The following AFF4 variants were observed in gnomAD, a reference collection of about 807,000 sequenced individuals.
AFF4 encodes AF4/FMR2 family member 4.
AFF4 carries 13 observed loss-of-function variants against 124.8 expected under a neutral mutation model. The observed-to-expected ratio is 0.10, with a 90% CI of 0.07 to 0.17. The LOEUF is 0.17. Among genes scored for constraint, AFF4 ranks in the 10% least tolerant of loss-of-function variants. The probability of loss-of-function intolerance (pLI) is 1.00; values close to 1 mark genes in which losing one functional copy is unlikely to be tolerated. For synonymous variants in AFF4, 477 were observed against 496.1 expected (o/e 0.96, Z 0.51); for missense variants, 1,092 against 1,403.8 (o/e 0.78, Z 3.55).
intron 13 of AFF4, chr5:132,891,817 A>G (rs200049388): frequency 4.5e-6 from 1 of 224,710 alleles, no homozygotes; most frequent in Admixed American, 6.4e-5. Context: ...TTTTTTTTTT[A>G]AATTTTAAAG....
At chr5:132,906,001 T>TA (rs896383360) in intron 5 of AFF4, among the ~76,000 whole-genome samples, 1 of 152,056 alleles carries the variant, frequency 6.6e-6, no homozygotes, top group Non-Finnish European at 1.5e-5. Flanking sequence ...GGAAGACATA[T>TA]AAATGGCCAA....
At chr5:132,944,815 A>G (rs1265473986) in intron 1 of AFF4, among the ~76,000 whole-genome samples, 5 of 151,744 alleles carry the variant, frequency 3.3e-5, no homozygotes, top group Non-Finnish European at 7.4e-5. Flanking sequence ...CTGTAATCCC[A>G]GCTACTTGAG....
intron 1 of AFF4, among the ~76,000 whole-genome samples, chr5:132,937,439 C>A (rs1170651541): frequency 6.6e-6 from 1 of 152,182 alleles, no homozygotes; most frequent in Admixed American, 6.5e-5. Flanking sequence ...AAACACTTAA[C>A]CTTATCAATG....
intron 5 of AFF4, among the ~76,000 whole-genome samples, chr5:132,922,731 G>A (rs1761077176): frequency 7.1e-6 from 1 of 139,974 alleles, no homozygotes; most frequent in African/African-American, 2.7e-5. Flanking sequence ...AATGAGCCAA[G>A]ATCACGCCAC....
At chr5:132,905,051 A>AAT (rs1760640817) in intron 5 of AFF4, among the ~76,000 whole-genome samples, 1 of 150,950 alleles carries the variant, frequency 6.6e-6, no homozygotes, top group African/African-American at 2.4e-5. Context: ...TCCATCTCAA[A>AAT]AAAAAAAAAA....
intron 2 of AFF4, 72 bp from the exon 3 acceptor site, chr5:132,935,013 T>C (rs1252537702): frequency 3.1e-6 from 4 of 1,272,958 alleles, no homozygotes; most frequent in Non-Finnish European, 4.2e-6. Flanking sequence ...TCTGAACTAA[T>C]TTTCCAAACT....
At chr5:132,958,147 T>C (rs1762002631) in intron 1 of AFF4, among the ~76,000 whole-genome samples, 1 of 152,134 alleles carries the variant, frequency 6.6e-6, no homozygotes, top group Non-Finnish European at 1.5e-5. Context: ...CATAATGAAA[T>C]ATTACAACAC....
At chr5:132,955,735 G>C (rs1351991947) in intron 1 of AFF4, among the ~76,000 whole-genome samples, 1 of 134,802 alleles carries the variant, frequency 7.4e-6, no homozygotes, top group Non-Finnish European at 1.5e-5. Flanking sequence ...CCAAGATCAT[G>C]CCACTGCACT....
intron 3 of AFF4, 36 bp downstream of exon 3, chr5:132,934,111 A>C: frequency 6.4e-7 from 1 of 1,573,278 alleles, no homozygotes; most frequent in Non-Finnish European, 8.6e-7. Flanking sequence ...TGCTTCACGT[A>C]GTCACAATGT....
At chr5:132,896,169 A>G (rs1314146402) in intron 11 of AFF4, among the ~76,000 whole-genome samples, 154 bp downstream of exon 11, 1 of 152,256 alleles carries the variant, frequency 6.6e-6, no homozygotes, top group African/African-American at 2.4e-5. Flanking sequence ...TCCTCAAGAG[A>G]CTGTTCCACA....
At chr5:132,894,787 T>C (rs778019648) in intron 11 of AFF4, among the ~76,000 whole-genome samples, 10 of 151,798 alleles carry the variant, frequency 6.6e-5, no homozygotes, top group Non-Finnish European at 1.2e-4. Context: ...TATAGCAAGA[T>C]ACCATCTCTA....
intron 1 of AFF4, among the ~76,000 whole-genome samples, chr5:132,954,587 G>GC (rs1367967220): frequency 6.7e-5 from 9 of 134,228 alleles, no homozygotes; most frequent in African/African-American, 1.7e-4. Context: ...TCGCTCTGTC[G>GC]CCCAGGCTGG....
rs1029060350 is a variant in AFF4, at chr5:132,879,152, G to T, written c.*1907C>A. 1 of 219,720 alleles carries T rather than the reference G, an allele frequency of 4.6e-6. No individual in the cohort carries two copies. The highest frequency in any genetic ancestry group is 5.8e-5 in the Admixed American group (1 of 17,304). 13.6% of individuals were successfully genotyped at this position (219,720 alleles called of 1,614,324 possible). A position where few individuals can be genotyped will look rare whatever the true frequency, so the allele number is the denominator to read the frequency against. On this transcript the variant is annotated 3_prime_UTR_variant, in exon 21 of 21. Transcript: ENST00000265343. ...TAATTTGTACATCTCAATCTTCAAT[G>T]ACATCTAAAAACAATCTGAGGTACA...
At chr5:132,898,750 C>T (rs1049353411) in intron 9 of AFF4, among the ~76,000 whole-genome samples, 1 of 152,200 alleles carries the variant, frequency 6.6e-6, no homozygotes, top group Non-Finnish European at 1.5e-5. Context: ...TCCCAAAGTG[C>T]TGGGATTACA....
At chr5:132,891,652 C>G (rs1279847334) in intron 13 of AFF4, among the ~76,000 whole-genome samples, 1 of 152,148 alleles carries the variant, frequency 6.6e-6, no homozygotes, top group Non-Finnish European at 1.5e-5. Flanking sequence ...TGTCACTTTA[C>G]GTAATATAAC....
chr5:132,888,616 A>T (rs1760177173), intron 14 of AFF4, among the ~76,000 whole-genome samples: 1 of 152,204 alleles, frequency 6.6e-6, no homozygotes, highest in African/African-American at 2.4e-5. Flanking sequence ...AAGGAGCCGT[A>T]CTTGGACTAG....
intron 13 of AFF4, among the ~76,000 whole-genome samples, chr5:132,890,920 G>C (rs1368200170): frequency 2.0e-5 from 3 of 151,908 alleles, no homozygotes; most frequent in African/African-American, 7.3e-5. Context: ...ACGTGTGATA[G>C]AAGCATACAC....
chr5:132,933,445 A>AT (rs1001691190), intron 3 of AFF4, among the ~76,000 whole-genome samples: 2 of 152,012 alleles, frequency 1.3e-5, no homozygotes, highest in African/African-American at 4.8e-5. Context: ...CATGATGGTC[A>AT]TGTCTGTAAC....
intron 7 of AFF4, chr5:132,901,201 T>C: frequency 1.0e-6 from 1 of 965,610 alleles, no homozygotes; most frequent in African/African-American, 1.8e-5. Flanking sequence ...TCAATGAACT[T>C]GTTTACACAT....
Sources: gnomAD v4.1 joint callset for allele counts (sites outside exome capture counted in the v4.1 genomes callset) on GRCh38, gnomAD v4.1.1 for gene constraint, MANE v1.5 for transcripts, NCBI Gene and HGNC (gene_info 2026-07-23, HGNC 2026-07-21) for gene names.